BIRC2: variants seen among roughly 807,000 people sequenced by gnomAD.
BIRC2 encodes the protein baculoviral IAP repeat containing 2.
In BIRC2, 18 loss-of-function variants were observed where a neutral mutation model predicts 60.9. The observed-to-expected ratio is 0.30, with a 90% CI of 0.20 to 0.44. The LOEUF (loss-of-function observed/expected upper bound fraction) is 0.44, where lower values mean the gene tolerates loss of function less well. BIRC2 is among the 20% of genes least tolerant of loss of function. The pLI, the probability that BIRC2 is intolerant of heterozygous loss-of-function variation, is 1.00. For synonymous variants in BIRC2, 282 were observed against 247.7 expected, an observed-to-expected ratio of 1.14 and a Z score of -1.30; for missense variants, 701 against 728.5, an observed-to-expected ratio of 0.96 and a Z score of 0.43.
chr11:102,355,748 G>A (rs992386441), intron 3 of BIRC2, among the ~76,000 whole-genome samples: 2 of 152,088 alleles, frequency 1.3e-5, no homozygotes, highest in East Asian at 1.9e-4. Flanking sequence ...TTAAGAACAC[G>A]AGATTGTTTA....
chr11:102,376,954 C>G (rs1423286787), intron 6 of BIRC2, among the ~76,000 whole-genome samples: 1 of 151,984 alleles, frequency 6.6e-6, no homozygotes, highest in African/African-American at 2.4e-5. Flanking sequence ...TCAAACCCTA[C>G]AATACTACAA....
rs1475694964 is a variant in BIRC2 at position 102,349,301 on chromosome 11, C to A, written c.-554C>A. On this transcript the variant is annotated 5_prime_UTR_variant, in exon 2 of 9. Coordinates refer to ENST00000227758, the MANE Select transcript of BIRC2 (RefSeq NM_001166.5). ...GAACTTAGCTTTTAAATAGTGTGAC[C>A]ATATGAAGGTTTTAATTACTTTTGT... is the stretch of plus-strand genomic sequence containing the variant. 6.6e-6 allele frequency: 1 copy of A among 152,294 alleles called. No individual in the cohort carries two copies. Among genetic ancestry groups the A allele is most frequent in the African/African-American group, 2.4e-5 (1 of 41,414 alleles). The allele number at this position is 152,294 out of a possible 1,614,324, so 9.4% of individuals were successfully genotyped here.
intron 6 of BIRC2, among the ~76,000 whole-genome samples, chr11:102,376,690 G>A (rs551766458): frequency 6.6e-6 from 1 of 152,172 alleles, no homozygotes; most frequent in South Asian, 2.1e-4. Context: ...AAAAGGTCAG[G>A]CTTGATTCTT....
intron 3 of BIRC2, among the ~76,000 whole-genome samples, chr11:102,360,563 T>G (rs1299082): frequency 6.6e-6 from 1 of 152,172 alleles, no homozygotes; most frequent in Non-Finnish European, 1.5e-5. Flanking sequence ...TGTGTTCTTT[T>G]GTAGCTCACT....
At chr11:102,373,403 AT>A (rs1157488399) in intron 6 of BIRC2, among the ~76,000 whole-genome samples, 2 of 151,964 alleles carry the variant, frequency 1.3e-5, no homozygotes, top group Non-Finnish European at 2.9e-5. Flanking sequence ...TCTGTGAAGT[AT>A]TTTATTTCTC....
intron 5 of BIRC2, among the ~76,000 whole-genome samples, chr11:102,365,102 C>T (rs533322626): frequency 1.3e-5 from 2 of 152,304 alleles, no homozygotes; most frequent in South Asian, 4.1e-4. Flanking sequence ...ACCAGCAAAA[C>T]CACTAGGCTA....
chr11:102,352,191 G>A (rs1001630864), intron 3 of BIRC2, among the ~76,000 whole-genome samples: 1 of 150,296 alleles, frequency 6.7e-6, no homozygotes, highest in Non-Finnish European at 1.5e-5. Flanking sequence ...TCGGCTCACT[G>A]TAAGCTCCAC....
At chr11:102,348,130 CG>C (rs1317531185) in intron 1 of BIRC2, among the ~76,000 whole-genome samples, 9 of 152,238 alleles carry the variant, frequency 5.9e-5, no homozygotes, top group African/African-American at 2.2e-4. Flanking sequence ...TTAATGAACT[CG>C]TGGTGCATTT....
chr11:102,375,800 T>C (rs965305590), intron 6 of BIRC2, among the ~76,000 whole-genome samples: 1 of 150,956 alleles, frequency 6.6e-6, no homozygotes, highest in African/African-American at 2.4e-5. Flanking sequence ...AAAAAAAAAT[T>C]CCAGTTCTAT....
chr11:102,349,844 G>T lies in BIRC2; in HGVS notation c.-11G>T. On this transcript the variant is annotated 5_prime_UTR_variant, in exon 2 of 9. Coordinates refer to ENST00000227758, the MANE Select transcript of BIRC2 (RefSeq NM_001166.5). ...AATGTTTTAGCTATCAAACAGTACT[G>T]TCACCTACTCATGCACAAAACTGCC... The T allele has an allele frequency of 2.5e-6, 4 of 1,588,278 alleles. No individual in the cohort carries two copies. Among genetic ancestry groups the T allele is most frequent in the Non-Finnish European group, 3.4e-6 (4 of 1,167,038 alleles).
chr11:102,363,957 G>A (rs1249539759), intron 5 of BIRC2, among the ~76,000 whole-genome samples: 2 of 151,246 alleles, frequency 1.3e-5, no homozygotes, highest in Non-Finnish European at 2.9e-5. Flanking sequence ...GGCTGAGGCA[G>A]GAGAATTGCT....
At chr11:102,375,535 CTTTGGGA>C (rs1951701453) in intron 6 of BIRC2, among the ~76,000 whole-genome samples, 1 of 152,172 alleles carries the variant, frequency 6.6e-6, no homozygotes, top group Non-Finnish European at 1.5e-5. Context: ...AATCCCAGCA[CTTTGGGA>C]GGCCAAGACG....
At chr11:102,376,267 A>T (rs1951713130) in intron 6 of BIRC2, among the ~76,000 whole-genome samples, 1 of 152,196 alleles carries the variant, frequency 6.6e-6, no homozygotes, top group Admixed American at 6.5e-5. Context: ...CCTAGATTAG[A>T]ATAGGAGGTT....
rs879151950 is a variant in BIRC2, at chr11:102,350,580, G to A, written c.726G>A (p.Arg242=). 6.2e-7 allele frequency: 1 copy of A among 1,614,162 alleles called. No homozygotes were observed. Among genetic ancestry groups the A allele is most frequent in the South Asian group, 1.1e-5 (1 of 91,088 alleles). The change falls in exon 2 of 9, where the codon AGG becomes AGA. Residue 242 remains arginine, a synonymous_variant. Coordinates refer to ENST00000227758, the MANE Select transcript of BIRC2 (RefSeq NM_001166.5). ...ATGATGCTATGTCAGAACACCGGAG[G>A]CATTTTCCCAACTGTCCATTTTTGG... ...PKDDAMSEHR[R]HFPNCPFLEN...
Position 102,349,770 on chromosome 11 carries a change from ATTTCT to A in BIRC2, c.-81_-77del, listed in dbSNP as rs1216552345. On this transcript the variant is annotated 5_prime_UTR_variant, in exon 2 of 9. Coordinates refer to ENST00000227758, the MANE Select transcript of BIRC2 (RefSeq NM_001166.5). Reference sequence around the variant, plus strand: ...AATTCTACATAAGAGTCTATCATTGATTTCTTTTTGTGGTAAAAATCTTAGTTCAT... The same window carrying A: ...AATTCTACATAAGAGTCTATCATTGATTTTGTGGTAAAAATCTTAGTTCAT... 3.7e-6 allele frequency: 5 copies of A among 1,358,022 alleles called. No individual in the cohort carries two copies. The highest frequency in any genetic ancestry group is 5.0e-6 in the Non-Finnish European group (5 of 992,692). 84.1% of individuals were successfully genotyped at this position (1,358,022 alleles called of 1,614,324 possible). A position where few individuals can be genotyped will look rare whatever the true frequency, so the allele number is the denominator to read the frequency against.
At chr11:102,355,372 TATC>T (rs1222727613) in intron 3 of BIRC2, among the ~76,000 whole-genome samples, 2 of 152,212 alleles carry the variant, frequency 1.3e-5, no homozygotes, top group Non-Finnish European at 2.9e-5. Context: ...TAAAGAGACT[TATC>T]ATTTCAACAT....
intron 3 of BIRC2, among the ~76,000 whole-genome samples, chr11:102,359,787 C>A (rs1951465062): frequency 6.6e-6 from 1 of 152,056 alleles, no homozygotes; most frequent in African/African-American, 2.4e-5. Context: ...CTATTTTTGC[C>A]AGTTCATTAT....
rs1565329339 is a variant in BIRC2 at position 102,347,867 on chromosome 11, CT to C, written c.-1258+495del. On this transcript the variant is annotated intron_variant, in intron 1 of 8. Coordinates refer to ENST00000227758, the MANE Select transcript of BIRC2 (RefSeq NM_001166.5). ...TTGGGTAAATCCCATAGTTTCTATTCTTTTCCCTTCCATCCTATCCCCTGCC... is the reference window on the plus strand; with the variant it reads ...TTGGGTAAATCCCATAGTTTCTATTCTTTCCCTTCCATCCTATCCCCTGCC... The C allele has an allele frequency of 2.0e-5, 3 of 152,322 alleles. No individual in the cohort carries two copies. The East Asian group carries it at 5.8e-4, about 29-fold the overall frequency. 9.4% of individuals were successfully genotyped at this position (152,322 alleles called of 1,614,324 possible).
intron 3 of BIRC2, among the ~76,000 whole-genome samples, chr11:102,361,273 A>G (rs924357292): frequency 1.3e-4 from 20 of 152,210 alleles, no homozygotes; most frequent in African/African-American, 4.8e-4. Context: ...ATGTGGGTGC[A>G]CGTAGAGCAG....
Sources: gnomAD v4.1 joint callset for allele counts (sites outside exome capture counted in the v4.1 genomes callset) on GRCh38, gnomAD v4.1.1 for gene constraint, MANE v1.5 for transcripts, NCBI Gene and HGNC (gene_info 2026-07-23, HGNC 2026-07-21) for gene names.